CNTN5: variants seen among roughly 807,000 people sequenced by gnomAD.
The protein encoded by CNTN5 is contactin 5, also known as contactin-5.
CNTN5 carries 77 observed loss-of-function variants against 129.1 expected under a neutral mutation model. That is an observed-to-expected ratio of 0.60 (90% confidence interval 0.50 to 0.72). The LOEUF (loss-of-function observed/expected upper bound fraction) is 0.72, where lower values mean the gene tolerates loss of function less well. CNTN5 is among the 30% of genes least tolerant of loss of function. The probability of loss-of-function intolerance (pLI) is 0.00; values close to 1 mark genes in which losing one functional copy is unlikely to be tolerated. For missense variants in CNTN5, 1,478 were observed against 1,328.8 expected (o/e 1.11, Z -1.75); for synonymous variants, 509 against 465.6 (o/e 1.09, Z -1.20).
At chr11:99,599,082 T>C (rs919931946) in intron 3 of CNTN5, among the ~76,000 whole-genome samples, 1 of 152,142 alleles carries the variant, frequency 6.6e-6, no homozygotes, top group African/African-American at 2.4e-5. Context: ...ATAATGTAGA[T>C]ACATGGTTAA....
intron 3 of CNTN5, among the ~76,000 whole-genome samples, chr11:99,632,322 T>C (rs906824442): frequency 2.6e-5 from 4 of 152,142 alleles, no homozygotes; most frequent in African/African-American, 7.2e-5. Context: ...CAAGTATCTT[T>C]ATAGCTTTTC....
intron 7 of CNTN5, among the ~76,000 whole-genome samples, chr11:99,937,988 A>T (rs7122976): frequency 0.18 from 27,368 of 152,158 alleles, 3,556 homozygotes; most frequent in African/African-American, 0.35. Flanking sequence ...CTCTTATTAA[A>T]TACATATCCT....
rs562021385 is a variant in CNTN5, at chr11:99,323,347, A to G, written c.-209-1999A>G. Among the ~76,000 whole-genome samples the G allele has an allele frequency of 3.9e-5, 6 of 152,282 alleles. No individual in the cohort carries two copies. In the South Asian group the frequency reaches 8.3e-4, roughly 21 times the overall value. Reference sequence around the variant, plus strand: ...AGACAAGCATGAGTTTATTCCAGAGACAAAATGGAAAAGTTTTGCTTCTAA... The same window carrying G: ...AGACAAGCATGAGTTTATTCCAGAGGCAAAATGGAAAAGTTTTGCTTCTAA... On this transcript the variant is annotated intron_variant, in intron 1 of 24. Coordinates refer to ENST00000524871, the MANE Select transcript of CNTN5 (RefSeq NM_014361.4).
At chr11:99,945,611 A>C (rs1333029828) in intron 7 of CNTN5, among the ~76,000 whole-genome samples, 2 of 151,902 alleles carry the variant, frequency 1.3e-5, no homozygotes, top group Non-Finnish European at 2.9e-5. Flanking sequence ...AATTTCCCAC[A>C]AAATCCTACC....
intron 2 of CNTN5, among the ~76,000 whole-genome samples, chr11:99,534,667 T>C (rs1947837144): frequency 6.6e-6 from 1 of 152,214 alleles, no homozygotes. Context: ...TATTATTTTA[T>C]ATTGCTGTAC....
At chr11:100,205,899 A>G (rs1359807047) in intron 15 of CNTN5, among the ~76,000 whole-genome samples, 1 of 152,084 alleles carries the variant, frequency 6.6e-6, no homozygotes, top group Admixed American at 6.6e-5. Context: ...AACTATACAT[A>G]AGTTCTTATT....
rs192641161 is a variant in CNTN5 at position 100,308,372 on chromosome 11, T to C, written c.2634T>C (p.Ala878=). 1.6e-5 allele frequency: 25 copies of C among 1,610,802 alleles called. No homozygotes were observed. The African/African-American group carries it at 2.8e-4, about 18-fold the overall frequency. ...ICSAEGEPSA[A]PTDVKATSVS... Reference sequence around the variant, plus strand: ...TCCTTCATACAGAACCCAGTGCTGCTCCCACAGATGTCAAGGCGACAAGTG... The same window carrying C: ...TCCTTCATACAGAACCCAGTGCTGCCCCCACAGATGTCAAGGCGACAAGTG... The change falls in exon 21 of 25, where the codon GCT becomes GCC. Residue 878 remains alanine, a synonymous_variant. Transcript: ENST00000524871.
At chr11:99,351,278 A>G (rs1207703393) in intron 2 of CNTN5, among the ~76,000 whole-genome samples, 1 of 152,214 alleles carries the variant, frequency 6.6e-6, no homozygotes, top group Non-Finnish European at 1.5e-5. Context: ...CTACATTGCT[A>G]CACTTACCAC....
intron 2 of CNTN5, among the ~76,000 whole-genome samples, chr11:99,406,506 C>G (rs889919980): frequency 6.6e-6 from 1 of 152,042 alleles, no homozygotes; most frequent in African/African-American, 2.4e-5. Context: ...AGATCTTAAG[C>G]CAGCACGGTA....
At chr11:99,048,099 T>A (rs940301349) in intron 1 of CNTN5, among the ~76,000 whole-genome samples, 4 of 152,054 alleles carry the variant, frequency 2.6e-5, no homozygotes, top group African/African-American at 9.7e-5. Flanking sequence ...AATCATGGCA[T>A]CCTATTTAAA....
At chr11:100,003,735 T>C (rs866905426) in intron 9 of CNTN5, 38 of 152,168 alleles carry the variant, frequency 2.5e-4, no homozygotes, top group African/African-American at 8.2e-4. Flanking sequence ...CTAAATCACT[T>C]ATGTTCTTTT....
chr11:99,031,923 C>G (rs1239958530), intron 1 of CNTN5, among the ~76,000 whole-genome samples: 1 of 117,456 alleles, frequency 8.5e-6, no homozygotes, highest in Admixed American at 1.0e-4. Flanking sequence ...CCCCTCCCCC[C>G]ACCCCACAAC....
At chr11:99,210,746 G>A (rs1173421881) in intron 1 of CNTN5, among the ~76,000 whole-genome samples, 1 of 152,062 alleles carries the variant, frequency 6.6e-6, no homozygotes, top group East Asian at 1.9e-4. Context: ...CACCCACATA[G>A]TATAATGTGA....
chr11:99,677,235 T>A, intron 3 of CNTN5, among the ~76,000 whole-genome samples: 1 of 152,168 alleles, frequency 6.6e-6, no homozygotes, highest in East Asian at 1.9e-4. Context: ...GAAAATAATG[T>A]ATCTTGTTTT....
chr11:99,102,519 C>T (rs1866787957), intron 1 of CNTN5, among the ~76,000 whole-genome samples: 1 of 152,240 alleles, frequency 6.6e-6, no homozygotes, highest in Non-Finnish European at 1.5e-5. Context: ...ATTTCTTCTG[C>T]CAGATACCCT....
At chr11:99,884,059 C>T (rs146952401) in intron 6 of CNTN5, among the ~76,000 whole-genome samples, 1,577 of 152,216 alleles carry the variant, frequency 0.01, 14 homozygotes, top group Non-Finnish European at 0.014. Context: ...GTAGCTGTAA[C>T]GGCCCCCAAA....
At chr11:99,979,744 T>C (rs1938216613) in intron 8 of CNTN5, among the ~76,000 whole-genome samples, 1 of 152,200 alleles carries the variant, frequency 6.6e-6, no homozygotes, top group Non-Finnish European at 1.5e-5. Context: ...ACCCAACCAC[T>C]ATTTACAATA....
Position 99,776,139 on chromosome 11 carries a change from A to T in CNTN5, c.56-43405A>T, listed in dbSNP as rs141469257. On this transcript the variant is annotated intron_variant, in intron 3 of 24. Coordinates refer to ENST00000524871, the MANE Select transcript of CNTN5 (RefSeq NM_014361.4). ...ATTGAGTAAACACTCTGTGCTAGGC[A>T]TTGCTAGCATAATGAATGAGAAGAG... Among the ~76,000 whole-genome samples the T allele has an allele frequency of 5.3e-4, 80 of 151,260 alleles. 1 individual carries two copies. In the East Asian group the frequency reaches 0.015, roughly 29 times the overall value.
chr11:99,832,818 T>C (rs1432234766), intron 4 of CNTN5, among the ~76,000 whole-genome samples: 1 of 152,214 alleles, frequency 6.6e-6, no homozygotes, highest in Non-Finnish European at 1.5e-5. Context: ...ATTTCCTTTA[T>C]ATTATATTAC....
Sources: allele counts gnomAD v4.1 joint callset (sites outside exome capture counted in the v4.1 genomes callset), GRCh38; gene constraint gnomAD v4.1.1; transcripts MANE v1.5; gene names NCBI Gene and HGNC (gene_info 2026-07-23, HGNC 2026-07-21).